Variants in TTLL11 observed in about 807,000 individuals in gnomAD.
TTLL11 encodes tubulin polyglutamylase TTLL11.
A neutral mutation model predicts 51.7 loss-of-function variants in TTLL11; 42 were observed. That is an observed-to-expected ratio of 0.81 (90% CI 0.64 to 1.05). TTLL11 has a LOEUF of 1.05. Among genes scored for constraint, TTLL11 ranks in the 50% least tolerant of loss-of-function variants. The pLI is 0.00. For missense variants in TTLL11, 799 were observed against 940.4 expected (o/e 0.85, Z 1.97); for synonymous variants, 381 against 383.5 (o/e 0.99, Z 0.08).
chr9:121,865,270 T>G (rs762748325), intron 7 of TTLL11, among the ~76,000 whole-genome samples: 1 of 151,958 alleles, frequency 6.6e-6, no homozygotes, highest in Non-Finnish European at 1.5e-5. Context: ...CAGCTACCCA[T>G]TACGAAGCAT....
rs566537795 is a variant in TTLL11, at chr9:121,881,179, T to C, written c.1482-10431A>G. Among the ~76,000 whole-genome samples, 5 of 152,356 alleles carry C rather than the reference T, an allele frequency of 3.3e-5. No homozygotes were observed. The South Asian group carries it at 1.0e-3, about 32-fold the overall frequency. ...AGCTTTCATTGTACAGCTCTGCTAATGAAGGGATCCTTTTAATTACATACT... is the reference window on the plus strand; with the variant it reads ...AGCTTTCATTGTACAGCTCTGCTAACGAAGGGATCCTTTTAATTACATACT... On this transcript the variant is annotated intron_variant, in intron 6 of 8. Coordinates refer to ENST00000321582, the MANE Select transcript of TTLL11 (RefSeq NM_001139442.2).
chr9:121,944,626 C>T lies in TTLL11; in HGVS notation c.1481+29383G>A, dbSNP rs145988434. 5.4e-3 allele frequency among the ~76,000 whole-genome samples: 820 copies of T among 152,278 alleles called. 11 individuals carry two copies. The highest frequency in any genetic ancestry group is 0.018 in the African/African-American group (764 of 41,552). On this transcript the variant is annotated intron_variant, in intron 6 of 8. Coordinates refer to ENST00000321582, the MANE Select transcript of TTLL11 (RefSeq NM_001139442.2). ...AATTATTTTTATTATTTTCCAGATGCTTTTAAACAAAAATACAAATTCCTA... is the reference window on the plus strand; with the variant it reads ...AATTATTTTTATTATTTTCCAGATGTTTTTAAACAAAAATACAAATTCCTA...
At chr9:122,080,725 T>C (rs1845985016) in intron 1 of TTLL11, among the ~76,000 whole-genome samples, 1 of 151,678 alleles carries the variant, frequency 6.6e-6, no homozygotes, top group Admixed American at 6.6e-5. Context: ...GAAAAGAACA[T>C]GAAATATAGG....
intron 8 of TTLL11, among the ~76,000 whole-genome samples, chr9:121,837,808 C>T (rs140761447): frequency 6.6e-6 from 1 of 152,184 alleles, no homozygotes; most frequent in Non-Finnish European, 1.5e-5. Flanking sequence ...TCACGCCAAA[C>T]GCCTGGGTAC....
At chr9:122,060,596 T>G (rs748127264) in intron 1 of TTLL11, among the ~76,000 whole-genome samples, 61 of 152,130 alleles carry the variant, frequency 4.0e-4, no homozygotes, top group Admixed American at 7.2e-4. Flanking sequence ...TTGACTGAAG[T>G]GGGAAGAACA....
intron 1 of TTLL11, among the ~76,000 whole-genome samples, chr9:122,056,795 A>T (rs1845300877): frequency 1.3e-5 from 2 of 152,228 alleles, no homozygotes; most frequent in African/African-American, 4.8e-5. Context: ...TCCTGATATC[A>T]GTGACCAACA....
chr9:121,971,675 C>T (rs1443823612), intron 6 of TTLL11, among the ~76,000 whole-genome samples: 1 of 134,496 alleles, frequency 7.4e-6, no homozygotes, highest in Non-Finnish European at 1.6e-5. Context: ...GTTGCCGTGT[C>T]TGTGTAGAAA....
At chr9:121,958,839 G>A (rs900911971) in intron 6 of TTLL11, among the ~76,000 whole-genome samples, 1 of 152,182 alleles carries the variant, frequency 6.6e-6, no homozygotes, top group Admixed American at 6.5e-5. Context: ...TGTATGGGGA[G>A]ATGGGGGCTG....
chr9:122,054,554 C>T (rs1423793130), intron 1 of TTLL11, among the ~76,000 whole-genome samples: 1 of 152,144 alleles, frequency 6.6e-6, no homozygotes, highest in Non-Finnish European at 1.5e-5. Flanking sequence ...GAATTTAGCA[C>T]TATGTTCTTT....
In TTLL11 at chr9:122,050,577, G is replaced by A. The variant is rs189652596; in HGVS notation, c.463-11209C>T. On this transcript the variant is annotated intron_variant, in intron 1 of 8. Transcript: ENST00000321582. Reference sequence around the variant, plus strand: ...CCTGTGGTCTGCAGCCTCCAAGATGGTCCCCAGTGATCCCTGCCTCCTGGA... The same window carrying A: ...CCTGTGGTCTGCAGCCTCCAAGATGATCCCCAGTGATCCCTGCCTCCTGGA... Among the ~76,000 whole-genome samples the A allele has an allele frequency of 4.6e-5, 7 of 152,156 alleles. No individual in the cohort carries two copies. In the East Asian group the frequency reaches 1.2e-3, roughly 25 times the overall value.
At chr9:122,016,143 A>T (rs973778327) in intron 3 of TTLL11, among the ~76,000 whole-genome samples, 1 of 152,168 alleles carries the variant, frequency 6.6e-6, no homozygotes, top group Non-Finnish European at 1.5e-5. Context: ...AAAACTAACA[A>T]AATTGTCAGG....
intron 6 of TTLL11, among the ~76,000 whole-genome samples, chr9:121,952,644 C>T (rs1841887451): frequency 6.6e-6 from 1 of 152,098 alleles, no homozygotes; most frequent in Admixed American, 6.6e-5. Context: ...ACACTCTGTT[C>T]CCCTGGGGAA....
At chr9:121,981,884 G>A (rs1454646109) in intron 4 of TTLL11, among the ~76,000 whole-genome samples, 2 of 152,110 alleles carry the variant, frequency 1.3e-5, no homozygotes, top group Non-Finnish European at 1.5e-5. Context: ...AAATGCCTCC[G>A]TGCCCTGTGT....
At chr9:121,976,214 G>A (rs1588169839) in intron 4 of TTLL11, among the ~76,000 whole-genome samples, 2 of 152,146 alleles carry the variant, frequency 1.3e-5, no homozygotes, top group Non-Finnish European at 2.9e-5. Context: ...TCTGCTTCAC[G>A]CCTGCTCTTA....
intron 1 of TTLL11, among the ~76,000 whole-genome samples, chr9:122,069,512 G>A (rs991534038): frequency 1.3e-5 from 2 of 152,088 alleles, no homozygotes; most frequent in African/African-American, 2.4e-5. Context: ...GCAAAACCTC[G>A]TCCTACTAAA....
intron 6 of TTLL11, among the ~76,000 whole-genome samples, chr9:121,914,279 T>C (rs1162021473): frequency 6.6e-6 from 1 of 152,212 alleles, no homozygotes; most frequent in Non-Finnish European, 1.5e-5. Context: ...ACTGAATAGA[T>C]GTGGCAGAGA....
chr9:121,921,254 C>T (rs1218888367), intron 6 of TTLL11, among the ~76,000 whole-genome samples: 5 of 152,132 alleles, frequency 3.3e-5, no homozygotes, highest in East Asian at 3.9e-4. Context: ...TTCCTTGACT[C>T]GACAAACATG....
intron 3 of TTLL11, among the ~76,000 whole-genome samples, chr9:122,003,287 G>C (rs1463882770): frequency 1.3e-5 from 2 of 152,038 alleles, no homozygotes; most frequent in African/African-American, 4.8e-5. Context: ...TAATGTACTT[G>C]GGGGACATCA....
rs761922971 is a variant in TTLL11 at position 122,069,477 on chromosome 9, G to A, written c.462+23210C>T. Reference sequence around the variant, plus strand: ...GCAGGCAGATCACCTGAGGTCAGGAGTTTGAGACCAGCCTGGCCAACATGG... The same window carrying A: ...GCAGGCAGATCACCTGAGGTCAGGAATTTGAGACCAGCCTGGCCAACATGG... On this transcript the variant is annotated intron_variant, in intron 1 of 8. Coordinates refer to ENST00000321582, the MANE Select transcript of TTLL11 (RefSeq NM_001139442.2). Among the ~76,000 whole-genome samples, 59 of 152,328 alleles carry A rather than the reference G, an allele frequency of 3.9e-4. 1 individual carries two copies. The highest frequency in any genetic ancestry group is 6.0e-4 in the Non-Finnish European group (41 of 68,012).
Sources: allele counts gnomAD v4.1 joint callset (sites outside exome capture counted in the v4.1 genomes callset), GRCh38; gene constraint gnomAD v4.1.1; transcripts MANE v1.5; gene names NCBI Gene and HGNC (gene_info 2026-07-23, HGNC 2026-07-21).